MID1: variants seen among roughly 807,000 people sequenced by gnomAD.
MID1 encodes E3 ubiquitin-protein ligase Midline-1.
In MID1, 7 loss-of-function variants were observed where a neutral mutation model predicts 40.4. The observed-to-expected ratio is 0.17, with a 90% confidence interval of 0.10 to 0.33. MID1 has a LOEUF of 0.33. Among genes scored for constraint, MID1 ranks in the 10% least tolerant of loss-of-function variants. The probability of loss-of-function intolerance (pLI) is 1.00; values close to 1 mark genes in which losing one functional copy is unlikely to be tolerated. For synonymous variants in MID1, 229 were observed against 221.2 expected, an observed-to-expected ratio of 1.04 and a Z score of -0.31; for missense variants, 367 against 558.5, an observed-to-expected ratio of 0.66 and a Z score of 3.46.
At chrX:10,693,485 C>A (rs376103098) in intron 1 of MID1, among the ~76,000 whole-genome samples, 1 of 110,793 alleles carries the variant, frequency 9.0e-6, no homozygotes, top group African/African-American at 3.3e-5. Flanking sequence ...AGCCACTGCA[C>A]CTGGCCCTTA....
intron 1 of MID1, among the ~76,000 whole-genome samples, chrX:10,627,396 C>G (rs181990702): frequency 3.1e-4 from 35 of 112,120 alleles, no homozygotes; most frequent in Non-Finnish European, 7.5e-5. Flanking sequence ...CCACATGTAA[C>G]CAGAGATACA....
chrX:10,590,661 TC>T (rs1192033859), intron 1 of MID1, among the ~76,000 whole-genome samples: 1 of 112,538 alleles, frequency 8.9e-6, no homozygotes, highest in Non-Finnish European at 1.9e-5. Flanking sequence ...CTAGGAAGCT[TC>T]TAATGGCTTT....
intron 1 of MID1, among the ~76,000 whole-genome samples, chrX:10,607,982 G>A (rs1028038989): frequency 8.9e-6 from 1 of 112,387 alleles, no homozygotes; most frequent in Non-Finnish European, 1.9e-5. Flanking sequence ...ATTTTACCTG[G>A]GAGGTATTGA....
intron 1 of MID1, among the ~76,000 whole-genome samples, chrX:10,730,173 G>A (rs1252189292): frequency 9.0e-6 from 1 of 110,616 alleles, no homozygotes; most frequent in African/African-American, 3.3e-5. Flanking sequence ...AATTAACCTA[G>A]TAGATGTATT....
At chrX:10,788,541 C>T (rs2043904047) in intron 1 of MID1, among the ~76,000 whole-genome samples, 1 of 109,746 alleles carries the variant, frequency 9.1e-6, no homozygotes, top group Admixed American at 9.8e-5. Context: ...AATAATAAAC[C>T]CACGTGGCAA....
chrX:10,596,754 T>C (rs1935419269), intron 1 of MID1, among the ~76,000 whole-genome samples: 1 of 111,993 alleles, frequency 8.9e-6, no homozygotes, highest in Admixed American at 9.5e-5. Context: ...CAGTTAAACC[T>C]ACAGTAACTC....
At position 10,704,387 on chromosome X, in the gene MID1, G is replaced by T. The variant is rs768877286; in HGVS notation, c.-186-83968C>A. Among the ~76,000 whole-genome samples, 19 of 110,185 alleles carry T rather than the reference G, an allele frequency of 1.7e-4. No individual in the cohort carries two copies. The Admixed American group carries it at 1.9e-3, about 11-fold the overall frequency. On this transcript the variant is annotated intron_variant, in intron 1 of 10. Transcript: ENST00000380785. Reference sequence around the variant, plus strand: ...TTAAAGAGAGCTCAGGGACTACTGCGTTGCTACTGTGTGGTGATTGTTAGT... The same window carrying T: ...TTAAAGAGAGCTCAGGGACTACTGCTTTGCTACTGTGTGGTGATTGTTAGT...
At chrX:10,649,935 A>T (rs1215806343) in intron 1 of MID1, among the ~76,000 whole-genome samples, 2 of 112,233 alleles carry the variant, frequency 1.8e-5, no homozygotes, top group Non-Finnish European at 3.8e-5. Context: ...TTGTTCAGTA[A>T]TAGTATGTAC....
At chrX:10,791,654 C>T (rs953035112) in intron 1 of MID1, among the ~76,000 whole-genome samples, 5 of 111,322 alleles carry the variant, frequency 4.5e-5, no homozygotes, top group East Asian at 2.8e-4. Flanking sequence ...GGAGTCCAAA[C>T]GGGACAATCA....
At chrX:10,718,454 G>A (rs1326160673) in intron 1 of MID1, among the ~76,000 whole-genome samples, 1 of 111,611 alleles carries the variant, frequency 9.0e-6, no homozygotes, top group African/African-American at 3.3e-5. Context: ...CGGAAGAAAT[G>A]GATAAATTCC....
At chrX:10,491,004 G>C (rs956272474) in intron 4 of MID1, among the ~76,000 whole-genome samples, 5 of 111,156 alleles carry the variant, frequency 4.5e-5, no homozygotes, top group Non-Finnish European at 7.6e-5. Flanking sequence ...TTTGTTTATG[G>C]GGCCCCACAC....
intron 1 of MID1, among the ~76,000 whole-genome samples, chrX:10,652,191 A>G (rs1339894866): frequency 1.8e-5 from 2 of 111,534 alleles, no homozygotes; most frequent in East Asian, 2.8e-4. Flanking sequence ...TTTGAATACC[A>G]TCACTAGCTG....
chrX:10,829,263 T>C (rs2044236631), intron 1 of MID1, among the ~76,000 whole-genome samples: 1 of 112,130 alleles, frequency 8.9e-6, no homozygotes, highest in Admixed American at 9.5e-5. Flanking sequence ...TTCAGCCTTT[T>C]CTGGCTCAGG....
intron 1 of MID1, among the ~76,000 whole-genome samples, chrX:10,656,111 A>AT (rs1431277686): frequency 1.8e-5 from 2 of 112,212 alleles, no homozygotes; most frequent in South Asian, 3.7e-4. Context: ...AAGTAAAACA[A>AT]TTTTTTGCCA....
intron 1 of MID1, among the ~76,000 whole-genome samples, chrX:10,615,532 C>T (rs1003314451): frequency 8.9e-6 from 1 of 111,811 alleles, no homozygotes; most frequent in Non-Finnish European, 1.9e-5. Flanking sequence ...TCTTTCATAG[C>T]GCAAAGCAGG....
chrX:10,456,783 G>A (rs1009407424), intron 8 of MID1, among the ~76,000 whole-genome samples: 2 of 111,894 alleles, frequency 1.8e-5, no homozygotes, highest in African/African-American at 6.5e-5. Context: ...GTTGCAATGA[G>A]CCAAGACCAT....
At chrX:10,589,742 G>A (rs1027496483) in intron 1 of MID1, 4 of 110,358 alleles carry the variant, frequency 3.6e-5, no homozygotes, top group East Asian at 2.9e-4. Flanking sequence ...GCGTCGCTCC[G>A]GCTGGTTGGA....
At chrX:10,706,840 C>T (rs5979346) in intron 1 of MID1, among the ~76,000 whole-genome samples, 10,349 of 111,244 alleles carry the variant, frequency 0.093, 761 homozygotes, top group African/African-American at 0.25. Flanking sequence ...GAAAAGGAAG[C>T]CAATCAAATT....
intron 1 of MID1, among the ~76,000 whole-genome samples, chrX:10,731,966 C>CAAAAAAAAAAAAAAAAAAAAAAAAAA (rs754605735): frequency 7.5e-5 from 2 of 26,655 alleles, no homozygotes; most frequent in African/African-American, 1.9e-4. Context: ...GAATCTATCA[C>CAAAAAAAAAAAAAAAAAAAAAAAAAA]AAAAAAAAAA....
Sources: allele counts gnomAD v4.1 joint callset (sites outside exome capture counted in the v4.1 genomes callset), GRCh38; gene constraint gnomAD v4.1.1; transcripts MANE v1.5; gene names NCBI Gene and HGNC (gene_info 2026-07-23, HGNC 2026-07-21).